Variants in FRMD4A observed in about 807,000 individuals in gnomAD.
FRMD4A encodes FERM domain-containing protein 4A.
Under a neutral mutation model 129.1 loss-of-function variants are expected in FRMD4A, and 29 were observed. The observed-to-expected ratio is 0.22, with a 90% CI of 0.17 to 0.31. The LOEUF (loss-of-function observed/expected upper bound fraction) is 0.31. FRMD4A is among the 10% of genes least tolerant of loss of function. FRMD4A has a pLI of 1.00. For synonymous variants in FRMD4A, 634 were observed against 571.6 expected (o/e 1.11, Z -1.56); for missense variants, 1,272 against 1,375.8 (o/e 0.92, Z 1.19).
At chr10:13,676,259 CTTTTCT>C (rs1270563082) in intron 15 of FRMD4A, among the ~76,000 whole-genome samples, 4 of 151,584 alleles carry the variant, frequency 2.6e-5, no homozygotes, top group South Asian at 4.2e-4. Flanking sequence ...TATAACTTTT[CTTTTCT>C]TTTTCTTTTT....
At chr10:13,688,441 GC>G (rs2085316159) in intron 15 of FRMD4A, among the ~76,000 whole-genome samples, 1 of 152,046 alleles carries the variant, frequency 6.6e-6, no homozygotes, top group Non-Finnish European at 1.5e-5. Context: ...TATACCTAAT[GC>G]TAAATGACGA....
chr10:13,949,314 A>AG (rs1419734878), intron 2 of FRMD4A, among the ~76,000 whole-genome samples: 1 of 151,390 alleles, frequency 6.6e-6, no homozygotes, highest in South Asian at 2.1e-4. Context: ...AAAAAAAAAA[A>AG]AAAAGAAAGA....
chr10:13,787,751 C>CT (rs368308653), intron 5 of FRMD4A, among the ~76,000 whole-genome samples: 102 of 140,946 alleles, frequency 7.2e-4, no homozygotes, highest in African/African-American at 1.5e-3. Context: ...GCCTCTTCTT[C>CT]TTTTTTTTTT....
At chr10:13,674,583 A>G (rs1159251072) in intron 16 of FRMD4A, among the ~76,000 whole-genome samples, 1 of 152,222 alleles carries the variant, frequency 6.6e-6, no homozygotes, top group Non-Finnish European at 1.5e-5. Flanking sequence ...CCCTTTAAGC[A>G]TATTCTTTTA....
At chr10:13,736,321 C>A (rs896845914) in intron 12 of FRMD4A, among the ~76,000 whole-genome samples, 3 of 152,076 alleles carry the variant, frequency 2.0e-5, no homozygotes, top group Non-Finnish European at 4.4e-5. Flanking sequence ...AGGTATGGAT[C>A]CCACAATTGA....
intron 2 of FRMD4A, among the ~76,000 whole-genome samples, chr10:14,322,782 G>A (rs560007226): frequency 7.9e-5 from 12 of 152,264 alleles, no homozygotes; most frequent in South Asian, 4.1e-4. Flanking sequence ...GCTAAATACC[G>A]TATGTTCCAT....
chr10:14,311,668 G>A (rs1846554218), intron 2 of FRMD4A, among the ~76,000 whole-genome samples: 1 of 146,658 alleles, frequency 6.8e-6, no homozygotes, highest in Non-Finnish European at 1.5e-5. Context: ...AGGTGGTCAT[G>A]GCAGCCACGT....
At chr10:13,977,609 C>G (rs370303539) in intron 2 of FRMD4A, among the ~76,000 whole-genome samples, 100 of 152,314 alleles carry the variant, frequency 6.6e-4, no homozygotes, top group African/African-American at 2.3e-3. Flanking sequence ...AATTTTAGAA[C>G]ATTTTCATCC....
intron 6 of FRMD4A, among the ~76,000 whole-genome samples, chr10:13,774,283 G>A (rs987507564): frequency 6.6e-6 from 1 of 152,210 alleles, no homozygotes; most frequent in Non-Finnish European, 1.5e-5. Flanking sequence ...AGTGAGAGGG[G>A]CGTCTGCTGT....
intron 4 of FRMD4A, among the ~76,000 whole-genome samples, chr10:13,810,310 C>A (rs1347769696): frequency 6.6e-6 from 1 of 152,110 alleles, no homozygotes; most frequent in East Asian, 1.9e-4. Context: ...TGAAAAGACC[C>A]TTGAAAGCAA....
At chr10:14,007,665 T>C (rs7894851) in intron 2 of FRMD4A, 32,580 of 166,594 alleles carry the variant, frequency 0.2, 3,833 homozygotes, top group East Asian at 0.44. Flanking sequence ...TGTCACCCAG[T>C]AGAAGAAATT....
At chr10:13,768,756 C>A (rs1004171344) in intron 6 of FRMD4A, among the ~76,000 whole-genome samples, 1 of 152,138 alleles carries the variant, frequency 6.6e-6, no homozygotes, top group Non-Finnish European at 1.5e-5. Flanking sequence ...AACCACCTGA[C>A]CTTGAGTTTG....
At chr10:13,700,095 C>T (rs1385823629) in intron 14 of FRMD4A, among the ~76,000 whole-genome samples, 1 of 151,926 alleles carries the variant, frequency 6.6e-6, no homozygotes, top group African/African-American at 2.4e-5. Context: ...TTCATTTCGT[C>T]CTGTCCTCTT....
intron 2 of FRMD4A, among the ~76,000 whole-genome samples, chr10:13,913,778 G>A (rs2094969350): frequency 6.6e-6 from 1 of 152,212 alleles, no homozygotes; most frequent in Non-Finnish European, 1.5e-5. Flanking sequence ...GATACAGTTA[G>A]TGAACAAAAT....
At chr10:14,090,331 G>C (rs1162326077) in intron 2 of FRMD4A, among the ~76,000 whole-genome samples, 1 of 152,214 alleles carries the variant, frequency 6.6e-6, no homozygotes, top group Admixed American at 6.5e-5. Flanking sequence ...TTGGAAACAG[G>C]AAGAGAAGTG....
At chr10:14,102,727 A>G (rs1837372014) in intron 2 of FRMD4A, among the ~76,000 whole-genome samples, 1 of 151,138 alleles carries the variant, frequency 6.6e-6, no homozygotes, top group East Asian at 2.0e-4. Flanking sequence ...AATTAGATGG[A>G]TTTGGCTTCT....
chr10:14,209,428 C>T (rs1299109298), intron 2 of FRMD4A, among the ~76,000 whole-genome samples: 1 of 152,048 alleles, frequency 6.6e-6, no homozygotes, highest in African/African-American at 2.4e-5. Flanking sequence ...TTAGGGTGGG[C>T]CATAAATCCA....
At chr10:13,988,040 A>G (rs911747622) in intron 2 of FRMD4A, among the ~76,000 whole-genome samples, 2 of 152,220 alleles carry the variant, frequency 1.3e-5, no homozygotes, top group Non-Finnish European at 2.9e-5. Flanking sequence ...TACGCTAGAA[A>G]ATAAAAAAAA....
chr10:14,023,147 C>T (rs1832836423), intron 2 of FRMD4A, among the ~76,000 whole-genome samples: 1 of 152,030 alleles, frequency 6.6e-6, no homozygotes. Context: ...ATCTCCCATC[C>T]CTGGAAACCC....
Sources: gnomAD v4.1 joint callset for allele counts (sites outside exome capture counted in the v4.1 genomes callset) on GRCh38, gnomAD v4.1.1 for gene constraint, MANE v1.5 for transcripts, NCBI Gene and HGNC (gene_info 2026-07-23, HGNC 2026-07-21) for gene names.